The following GNG13 variants were observed in gnomAD, a reference collection of about 807,000 sequenced individuals.
GNG13 encodes the protein guanine nucleotide-binding protein G(I)/G(S)/G(O) subunit gamma-13.
Under a neutral mutation model 8.2 loss-of-function variants are expected in GNG13, and 12 were observed. That is an observed-to-expected ratio of 1.47 (90% confidence interval 0.94 to 2.38). The LOEUF (loss-of-function observed/expected upper bound fraction) is 2.38, where lower values mean the gene tolerates loss of function less well. Ranked by LOEUF, GNG13 falls within the 30% of genes most tolerant of loss-of-function variation. GNG13 has a pLI of 0.00. For missense variants in GNG13, 100 were observed against 85.2 expected, an observed-to-expected ratio of 1.17 and a Z score of -0.68; for synonymous variants, 45 against 33.0, an observed-to-expected ratio of 1.37 and a Z score of -1.25.
intron 1 of GNG13, among the ~76,000 whole-genome samples, chr16:799,525 G>A (rs939101204): frequency 6.6e-5 from 10 of 152,176 alleles, no homozygotes; most frequent in African/African-American, 1.7e-4. Context: ...GCCCCGCCCC[G>A]CTGTGTGCCC....
At position 799,578 on chromosome 16, in the gene GNG13, T is replaced by C. The variant is rs542397589; in HGVS notation, c.-34-467A>G. 1.3e-4 allele frequency among the ~76,000 whole-genome samples: 20 copies of C among 152,260 alleles called. No homozygotes were observed. In the East Asian group the frequency reaches 3.1e-3, roughly 24 times the overall value. On this transcript the variant is annotated intron_variant, in intron 1 of 2. Transcript: ENST00000248150. ...GAGCCCAGTCCAGAGCCAGGACTCC[T>C]GGACAGGAATGTTCTGCTGCAGTTT...
At chr16:798,864 C>A in intron 2 of GNG13, 40 bp from the exon 3 acceptor site, 1 of 1,420,776 alleles carries the variant, frequency 7.0e-7, no homozygotes, top group African/African-American at 1.4e-5. Flanking sequence ...TGGCACCTGA[C>A]CCCCGAGGGC....
At chr16:800,266 T>C (rs1446914026) in intron 1 of GNG13, among the ~76,000 whole-genome samples, 1 of 152,110 alleles carries the variant, frequency 6.6e-6, no homozygotes, top group Non-Finnish European at 1.5e-5. Flanking sequence ...TCGGAGACCC[T>C]ACACTCAGCC....
intron 1 of GNG13, among the ~76,000 whole-genome samples, chr16:800,008 C>G (rs1254190117): frequency 6.6e-6 from 1 of 152,140 alleles, no homozygotes; most frequent in Non-Finnish European, 1.5e-5. Flanking sequence ...TCTCCCCATC[C>G]TTTGGTCGTG....
In GNG13 at chr16:798,059, C is replaced by G. The variant is rs1038834696; in HGVS notation, c.*660G>C. On this transcript the variant is annotated 3_prime_UTR_variant, in exon 3 of 3. Transcript: ENST00000248150. Reference sequence around the variant, plus strand: ...CTGGAGATGTCTTTATAAAGTCACACCTTTACAGACTGTAATCACGTGCGA... The same window carrying G: ...CTGGAGATGTCTTTATAAAGTCACAGCTTTACAGACTGTAATCACGTGCGA... 6.7e-7 allele frequency: 1 copy of G among 1,500,290 alleles called. No individual in the cohort carries two copies. The highest frequency in any genetic ancestry group is 1.9e-5 in the Admixed American group (1 of 52,976). The allele number at this position is 1,500,290 out of a possible 1,614,324, so 92.9% of individuals were successfully genotyped here.
rs778632485 is a variant in GNG13, at chr16:798,971, G to T, written c.98+9C>A. On this transcript the variant is annotated intron_variant, in intron 2 of 2. Transcript: ENST00000248150. ...AATGAGAGGCAAATCAGGCAGGTGG[G>T]GCACTCACTCGGGGATGGTCTTGGA... The T allele has an allele frequency of 1.3e-6, 2 of 1,544,500 alleles. No homozygotes were observed. Among genetic ancestry groups the T allele is most frequent in the East Asian group, 2.2e-5 (1 of 44,532 alleles).
At chr16:800,115 G>T (rs1368709956) in intron 1 of GNG13, among the ~76,000 whole-genome samples, 1 of 152,124 alleles carries the variant, frequency 6.6e-6, no homozygotes, top group East Asian at 1.9e-4. Flanking sequence ...CAGAGGGTCT[G>T]CCCGTAGTGG....
intron 1 of GNG13, among the ~76,000 whole-genome samples, chr16:800,396 A>C (rs2042435863): frequency 6.6e-6 from 1 of 151,634 alleles, no homozygotes; most frequent in African/African-American, 2.4e-5. Context: ...AAGCCTGGCC[A>C]CCCACCCCGT....
In GNG13 at chr16:798,786, G is replaced by A; in HGVS notation, c.137C>T (p.Pro46Leu). The A allele has an allele frequency of 6.2e-7, 1 of 1,613,204 alleles. No individual in the cohort carries two copies. Among genetic ancestry groups the A allele is most frequent in the South Asian group, 1.1e-5 (1 of 91,048 alleles). ...CTTCATCAGGTCGGGGTTCAGGAAG[G>A]GGTCCTTGGGGATCCCGTCCTCGAT... ...KWIEDGIPKD[P>L]FLNPDLMKNN... Residue 46 changes from proline (P) to leucine (L), a missense_variant, in exon 3 of 3, where the codon CCC becomes CTC. Physicochemically the swap from Pro to Leu is moderately conservative, Grantham distance 98 (BLOSUM62 -3). Transcript: ENST00000248150.
At chr16:799,728 C>T (rs1229034287) in intron 1 of GNG13, among the ~76,000 whole-genome samples, 2 of 152,106 alleles carry the variant, frequency 1.3e-5, no homozygotes, top group African/African-American at 4.8e-5. Flanking sequence ...CACACGTTAC[C>T]TGCGTGCTTT....
rs2042406811 is a variant in GNG13, at chr16:798,060, C to A, written c.*659G>T. 2.0e-6 allele frequency: 3 copies of A among 1,502,578 alleles called. No individual in the cohort carries two copies. The highest frequency in any genetic ancestry group is 1.9e-5 in the Admixed American group (1 of 52,848). The allele number at this position is 1,502,578 out of a possible 1,614,324, so 93.1% of individuals were successfully genotyped here. A position where few individuals can be genotyped will look rare whatever the true frequency, so the allele number is the denominator to read the frequency against. On this transcript the variant is annotated 3_prime_UTR_variant, in exon 3 of 3. Coordinates refer to ENST00000248150, the MANE Select transcript of GNG13 (RefSeq NM_016541.3). ...TGGAGATGTCTTTATAAAGTCACACCTTTACAGACTGTAATCACGTGCGAG... is the reference window on the plus strand; with the variant it reads ...TGGAGATGTCTTTATAAAGTCACACATTTACAGACTGTAATCACGTGCGAG...
rs368081251 is a variant in GNG13 at position 798,494 on chromosome 16, A to G, written c.*225T>C. The G allele has an allele frequency of 7.0e-4, 324 of 461,074 alleles. 3 individuals are homozygous for G. The East Asian group carries it at 0.013, about 19-fold the overall frequency. The allele number at this position is 461,074 out of a possible 1,614,324, so 28.6% of individuals were successfully genotyped here. ...GAGTGGGACTCACAGGATGGAGTGA[A>G]TGGGGCTGGGCATAGTCTTACAAGA... On this transcript the variant is annotated 3_prime_UTR_variant, in exon 3 of 3. Transcript: ENST00000248150.
At position 798,889 on chromosome 16, in the gene GNG13, G is replaced by A. The variant is rs573994155; in HGVS notation, c.99-65C>T. The A allele has an allele frequency of 1.6e-5, 22 of 1,354,962 alleles. No homozygotes were observed. In the East Asian group the frequency reaches 4.8e-4, roughly 30 times the overall value. 83.9% of individuals were successfully genotyped at this position (1,354,962 alleles called of 1,614,324 possible). A position where few individuals can be genotyped will look rare whatever the true frequency, so the allele number is the denominator to read the frequency against. ...CCCCCGAGGGCCTCCTGCTGCACCT[G>A]CCTGTCGGCGGCGGTGGTCGTGGCT... On this transcript the variant is annotated intron_variant, in intron 2 of 2. Coordinates refer to ENST00000248150, the MANE Select transcript of GNG13 (RefSeq NM_016541.3).
Position 798,985 on chromosome 16 carries a change from G to T in GNG13, c.93C>A (p.Ile31=), listed in dbSNP as rs770604312. 1.6e-5 allele frequency: 26 copies of T among 1,585,072 alleles called. No individual in the cohort carries two copies. In the South Asian group the frequency reaches 2.9e-4, roughly 18 times the overall value. ...AFQREMASKT[I]PELLKWIEDG... ...CAGGCAGGTGGGGCACTCACTCGGG[G>T]ATGGTCTTGGACGCCATCTCCCGCT... is the stretch of plus-strand genomic sequence containing the variant. The change falls in exon 2 of 3, where the codon ATC becomes ATA. Residue 31 remains isoleucine, a synonymous_variant. Coordinates refer to ENST00000248150, the MANE Select transcript of GNG13 (RefSeq NM_016541.3).
intron 1 of GNG13, 85 bp from the exon 2 acceptor site, chr16:799,196 A>ATCT: frequency 1.5e-6 from 1 of 680,074 alleles, no homozygotes. Context: ...CCTGAGCTGA[A>ATCT]CCCCGCAGGA....
At chr16:799,168 C>T in intron 1 of GNG13, 57 bp from the exon 2 acceptor site, 1 of 730,698 alleles carries the variant, frequency 1.4e-6, no homozygotes, top group Non-Finnish European at 2.5e-6. Flanking sequence ...AGTCCCCACC[C>T]CCGCTGCTCC....
chr16:799,656 C>T (rs1268944208), intron 1 of GNG13, among the ~76,000 whole-genome samples: 2 of 152,180 alleles, frequency 1.3e-5, no homozygotes, highest in Non-Finnish European at 2.9e-5. Flanking sequence ...TCAGGCTATA[C>T]TACCCGAGTC....
rs200889071 is a variant in GNG13 at position 799,067 on chromosome 16, C to T, written c.11G>A (p.Trp4Ter). Residue 4 changes from tryptophan (W) to a stop codon, truncating the protein, a stop_gained, in exon 2 of 3, where the codon TGG (tryptophan) becomes TAG (stop). Transcript: ENST00000248150. LOFTEE classifies it high-confidence loss of function. MEE[W>*]DVPQMKKEVE... is the part of the protein sequence containing the mutation. ...CTCTTTCTTCATCTGTGGCACGTCC[C>T]ACTCCTCCATGGGGTCAGGGGCTTC... 87 of 1,601,948 alleles carry T rather than the reference C, an allele frequency of 5.4e-5. No individual in the cohort carries two copies. The highest frequency in any genetic ancestry group is 6.8e-6 in the Non-Finnish European group (8 of 1,169,690).
Position 798,749 on chromosome 16 carries a change from C to G in GNG13, c.174G>C (p.Trp58Cys). The G allele has an allele frequency of 6.2e-7, 1 of 1,612,576 alleles. No individual in the cohort carries two copies. Among genetic ancestry groups the G allele is most frequent in the Non-Finnish European group, 8.5e-7 (1 of 1,178,910 alleles). ...GGATGGTGCATTTGCCCTTTTCCACCCATGGGTTGTTCTTCATCAGGTCGG... is the reference window on the plus strand; with the variant it reads ...GGATGGTGCATTTGCCCTTTTCCACGCATGGGTTGTTCTTCATCAGGTCGG... ...LNPDLMKNNP[W>C]VEKGKCTIL is the part of the protein sequence containing the mutation. Residue 58 changes from tryptophan (W) to cysteine (C), a missense_variant, in exon 3 of 3, where the codon TGG (tryptophan) becomes TGC (cysteine). Coordinates refer to ENST00000248150, the MANE Select transcript of GNG13 (RefSeq NM_016541.3).
Sources: gnomAD v4.1 joint callset for allele counts (sites outside exome capture counted in the v4.1 genomes callset) on GRCh38, gnomAD v4.1.1 for gene constraint, MANE v1.5 for transcripts, NCBI Gene and HGNC (gene_info 2026-07-23, HGNC 2026-07-21) for gene names.